Variants in FRMD4A observed in about 807,000 individuals in gnomAD.
FRMD4A encodes FERM domain-containing protein 4A.
In FRMD4A, 29 loss-of-function variants were observed where a neutral mutation model predicts 129.1. That is an observed-to-expected ratio of 0.22 (90% CI 0.17 to 0.31). The LOEUF (loss-of-function observed/expected upper bound fraction) is 0.31. Ranked by LOEUF, FRMD4A falls within the 10% of genes least tolerant of loss-of-function variation. The pLI, the probability that FRMD4A is intolerant of heterozygous loss-of-function variation, is 1.00. For synonymous variants in FRMD4A, 634 were observed against 571.6 expected, an observed-to-expected ratio of 1.11 and a Z score of -1.56; for missense variants, 1,272 against 1,375.8, an observed-to-expected ratio of 0.92 and a Z score of 1.19.
At chr10:14,254,717 T>G (rs1218373) in intron 2 of FRMD4A, among the ~76,000 whole-genome samples, 87,194 of 151,298 alleles carry the variant, frequency 0.58, 26,444 homozygotes, top group African/African-American at 0.78. Context: ...AATACAATTT[T>G]CAAAGCATTT....
intron 2 of FRMD4A, among the ~76,000 whole-genome samples, chr10:14,125,722 GACACACACACACAC>G (rs113478975): frequency 1.1e-4 from 17 of 148,992 alleles, no homozygotes; most frequent in Non-Finnish European, 2.5e-4. Context: ...CTCACACACA[GACACACACACACAC>G]ACACGTGCAC....
intron 2 of FRMD4A, among the ~76,000 whole-genome samples, chr10:14,199,813 C>T (rs1166563584): frequency 7.2e-6 from 1 of 138,888 alleles, no homozygotes; most frequent in Non-Finnish European, 1.7e-5. Context: ...TTAATTTTGA[C>T]ATAATATGTA....
At chr10:13,661,893 C>T (rs187729037) in intron 19 of FRMD4A, among the ~76,000 whole-genome samples, 6 of 152,242 alleles carry the variant, frequency 3.9e-5, no homozygotes, top group East Asian at 1.9e-4. Flanking sequence ...GTCCCCCAGC[C>T]GTGGACACCC....
At chr10:13,859,953 C>A (rs2094270734) in intron 2 of FRMD4A, among the ~76,000 whole-genome samples, 1 of 152,170 alleles carries the variant, frequency 6.6e-6, no homozygotes, top group Admixed American at 6.5e-5. Context: ...CGTCTCCATG[C>A]CCCTGTCTCA....
At chr10:13,660,199 G>A (rs930235333) in intron 20 of FRMD4A, 117 bp downstream of exon 20, 10 of 691,744 alleles carry the variant, frequency 1.4e-5, no homozygotes, top group East Asian at 2.6e-5. Flanking sequence ...CAAACCCCAC[G>A]GGGAGGAACT....
At chr10:14,080,384 TG>T (rs1835859199) in intron 2 of FRMD4A, among the ~76,000 whole-genome samples, 1 of 152,172 alleles carries the variant, frequency 6.6e-6, no homozygotes, top group Non-Finnish European at 1.5e-5. Context: ...ACATTGGAAC[TG>T]GCTCCTGAAC....
At chr10:14,057,183 T>C (rs1244348980) in intron 2 of FRMD4A, among the ~76,000 whole-genome samples, 1 of 152,230 alleles carries the variant, frequency 6.6e-6, no homozygotes, top group Admixed American at 6.5e-5. Context: ...ATATTGTCAA[T>C]ATAGTTCCTA....
chr10:14,168,329 T>A (rs1841299739), intron 2 of FRMD4A, among the ~76,000 whole-genome samples: 2 of 152,210 alleles, frequency 1.3e-5, no homozygotes. Context: ...AGCTGAAGCA[T>A]GGAAGAAAGA....
chr10:13,996,724 A>G (rs2095623901), intron 2 of FRMD4A, among the ~76,000 whole-genome samples: 1 of 152,182 alleles, frequency 6.6e-6, no homozygotes, highest in South Asian at 2.1e-4. Context: ...CCTTCACCCT[A>G]ATTGGCAGAT....
In FRMD4A at chr10:13,659,413, A is replaced by G; in HGVS notation, c.1976T>C (p.Ile659Thr). ...GGAGTTCCAGTGCGGGAGGCCGCGGATGGGGCTGTTCTGCAAGGAGTTGCT... is the reference window on the plus strand; with the variant it reads ...GGAGTTCCAGTGCGGGAGGCCGCGGGTGGGGCTGTTCTGCAAGGAGTTGCT... ...GGSNSLQNSP[I>T]RGLPHWNSQS... The change falls in exon 21 of 25, where the codon ATC (isoleucine) becomes ACC (threonine). Residue 659 changes from isoleucine to threonine, a missense_variant. Ile to Thr is a moderately conservative substitution (Grantham distance 89, BLOSUM62 -1). Around this residue, in one of 2 missense-constraint regions of FRMD4A, gnomAD observed 972 missense variants for 892.3 expected, o/e 1.09. Transcript: ENST00000357447. The G allele has an allele frequency of 6.2e-7, 1 of 1,614,030 alleles. No homozygotes were observed. The highest frequency in any genetic ancestry group is 8.5e-7 in the Non-Finnish European group (1 of 1,179,964).
chr10:13,838,991 C>CTTTTTTTT (rs373871027), intron 3 of FRMD4A, among the ~76,000 whole-genome samples: 2 of 95,704 alleles, frequency 2.1e-5, no homozygotes, highest in African/African-American at 4.2e-5. Context: ...GAATAATTTC[C>CTTTTTTTT]TTTTTTTTTT....
intron 2 of FRMD4A, among the ~76,000 whole-genome samples, chr10:14,284,455 T>C (rs1407936531): frequency 6.6e-6 from 1 of 152,166 alleles, no homozygotes; most frequent in Non-Finnish European, 1.5e-5. Flanking sequence ...AAGACCGTCC[T>C]GGCTAACACG....
intron 6 of FRMD4A, among the ~76,000 whole-genome samples, chr10:13,771,495 A>T (rs1361466348): frequency 1.3e-5 from 2 of 152,162 alleles, no homozygotes; most frequent in East Asian, 1.9e-4. Flanking sequence ...AGGCAACAAA[A>T]CTCGGTGATT....
intron 2 of FRMD4A, among the ~76,000 whole-genome samples, chr10:14,140,947 C>G (rs552867671): frequency 1.3e-5 from 2 of 151,998 alleles, no homozygotes; most frequent in East Asian, 3.9e-4. Context: ...TGGCAGGGAC[C>G]GGCCAGCAAT....
intron 18 of FRMD4A, 73 bp from the exon 19 acceptor site, chr10:13,663,582 A>G: frequency 1.2e-6 from 1 of 802,490 alleles, no homozygotes; most frequent in Non-Finnish European, 2.3e-6. Flanking sequence ...TAAAAATAGC[A>G]TGTCTACTAC....
chr10:13,915,310 G>A (rs1017897700), intron 2 of FRMD4A, among the ~76,000 whole-genome samples: 4 of 152,004 alleles, frequency 2.6e-5, no homozygotes, highest in Admixed American at 1.3e-4. Context: ...GGTTTTCTTC[G>A]AGATTAGATG....
intron 4 of FRMD4A, among the ~76,000 whole-genome samples, chr10:13,805,348 C>T (rs2093341159): frequency 6.6e-6 from 1 of 151,868 alleles, no homozygotes. Context: ...TCTAACTATA[C>T]TTGTCTTTTA....
chr10:14,215,629 G>A (rs970913102), intron 2 of FRMD4A, among the ~76,000 whole-genome samples: 1 of 152,034 alleles, frequency 6.6e-6, no homozygotes, highest in African/African-American at 2.4e-5. Flanking sequence ...ATTCCCCACC[G>A]AATACGGTGG....
intron 4 of FRMD4A, among the ~76,000 whole-genome samples, chr10:13,799,190 C>T (rs2093196385): frequency 6.6e-6 from 1 of 152,346 alleles, no homozygotes; most frequent in Admixed American, 6.5e-5. Flanking sequence ...TGGAGTCTTG[C>T]TCTGTTGCCC....
Sources: allele counts gnomAD v4.1 joint callset (sites outside exome capture counted in the v4.1 genomes callset), GRCh38; gene constraint gnomAD v4.1.1; regional missense constraint gnomAD v4.1.1; transcripts MANE v1.5; gene names NCBI Gene and HGNC (gene_info 2026-07-23, HGNC 2026-07-21).